The following TMEM132D variants were observed in gnomAD, a reference collection of about 807,000 sequenced individuals.
TMEM132D encodes transmembrane protein 132D.
In TMEM132D, 21 loss-of-function variants were observed where a neutral mutation model predicts 62.3. The ratio of observed to expected loss-of-function variants is 0.34; its 90% CI spans 0.24 to 0.49. TMEM132D has a LOEUF of 0.49. Ranked by LOEUF, TMEM132D falls within the 20% of genes least tolerant of loss-of-function variation. TMEM132D has a pLI of 0.99. For missense variants in TMEM132D, 1,346 were observed against 1,402.8 expected, an observed-to-expected ratio of 0.96 and a Z score of 0.65; for synonymous variants, 621 against 575.6, an observed-to-expected ratio of 1.08 and a Z score of -1.13.
intron 3 of TMEM132D, chr12:129,521,401 A>G (rs1875843673): frequency 6.6e-6 from 1 of 152,244 alleles, no homozygotes; most frequent in Admixed American, 6.5e-5. Flanking sequence ...TGGCTGGTGA[A>G]CGGATCATTT....
At chr12:129,118,893 C>T (rs1000769427) in intron 5 of TMEM132D, among the ~76,000 whole-genome samples, 1 of 152,180 alleles carries the variant, frequency 6.6e-6, no homozygotes, top group Admixed American at 6.5e-5. Flanking sequence ...TTCGGCTGCT[C>T]AGCTACTCAC....
chr12:129,148,241 A>G lies in TMEM132D; in HGVS notation c.1443+61279T>C, dbSNP rs571452424. 5.3e-5 allele frequency among the ~76,000 whole-genome samples: 8 copies of G among 152,336 alleles called. No individual in the cohort carries two copies. In the South Asian group the frequency reaches 1.7e-3, roughly 32 times the overall value. On this transcript the variant is annotated intron_variant, in intron 5 of 8. Coordinates refer to ENST00000422113, the MANE Select transcript of TMEM132D (RefSeq NM_133448.3). ...TTTGCTTTTGACTAAGATAAAATCT[A>G]TAGCCCCATGTGGGTGGCAGAATAA...
chr12:129,257,502 C>T (rs1050356411), intron 4 of TMEM132D, among the ~76,000 whole-genome samples: 2 of 152,234 alleles, frequency 1.3e-5, no homozygotes, highest in Admixed American at 6.5e-5. Flanking sequence ...AGCCACTGTG[C>T]CCGGCCCATC....
chr12:129,528,926 C>A (rs73155251), intron 3 of TMEM132D, among the ~76,000 whole-genome samples: 7,758 of 152,318 alleles, frequency 0.051, 270 homozygotes, highest in Non-Finnish European at 0.079. Context: ...ATTTGTCTAT[C>A]AACAAAACAC....
chr12:129,798,889 C>A (rs538961098), intron 1 of TMEM132D, among the ~76,000 whole-genome samples: 1 of 152,238 alleles, frequency 6.6e-6, no homozygotes, highest in African/African-American at 2.4e-5. Context: ...AATCTACCAA[C>A]TGTTTTTGCT....
intron 3 of TMEM132D, among the ~76,000 whole-genome samples, chr12:129,350,886 A>G (rs1170670448): frequency 6.6e-6 from 1 of 152,108 alleles, no homozygotes; most frequent in Non-Finnish European, 1.5e-5. Flanking sequence ...GCTAAACTCC[A>G]CCCCAACTTT....
At chr12:129,566,210 T>C (rs1877361926) in intron 2 of TMEM132D, among the ~76,000 whole-genome samples, 1 of 152,170 alleles carries the variant, frequency 6.6e-6, no homozygotes. Flanking sequence ...CAAAAAATAA[T>C]AAACAAATAA....
chr12:129,156,117 C>A (rs2135538425), intron 5 of TMEM132D, among the ~76,000 whole-genome samples: 1 of 152,114 alleles, frequency 6.6e-6, no homozygotes, highest in South Asian at 2.1e-4. Context: ...AACATACTCC[C>A]ACGATAACCA....
At chr12:129,813,632 T>TATATATATATATATATATATATATATATA in intron 1 of TMEM132D, among the ~76,000 whole-genome samples, 1 of 105,634 alleles carries the variant, frequency 9.5e-6, no homozygotes, top group Admixed American at 9.9e-5. Flanking sequence ...ATATATATAT[T>TATATATATATATATATATATATATATATA]TTCAGGACTA....
At chr12:129,863,273 C>A (rs1417838397) in intron 1 of TMEM132D, among the ~76,000 whole-genome samples, 2 of 151,852 alleles carry the variant, frequency 1.3e-5, no homozygotes, top group Non-Finnish European at 2.9e-5. Flanking sequence ...GCCACCCCCA[C>A]CCCCAGCCCC....
At chr12:129,871,419 T>C (rs986960382) in intron 1 of TMEM132D, among the ~76,000 whole-genome samples, 5 of 152,052 alleles carry the variant, frequency 3.3e-5, no homozygotes, top group African/African-American at 9.7e-5. Flanking sequence ...TCACACTGTG[T>C]GTGTCCAGCT....
chr12:129,826,264 G>A lies in TMEM132D; in HGVS notation c.79+76997C>T, dbSNP rs188734961. Among the ~76,000 whole-genome samples, 43 of 152,260 alleles carry A rather than the reference G, an allele frequency of 2.8e-4. 1 individual carries two copies. The East Asian group carries it at 8.1e-3, about 29-fold the overall frequency. ...AGTCCCTGAGTGACCCTCCTAAGAG[G>A]GGCCCATCCTGCTGACCAGAGCTGA... On this transcript the variant is annotated intron_variant, in intron 1 of 8. Transcript: ENST00000422113.
At chr12:129,616,512 C>T (rs1186068727) in intron 2 of TMEM132D, among the ~76,000 whole-genome samples, 1 of 152,152 alleles carries the variant, frequency 6.6e-6, no homozygotes, top group Non-Finnish European at 1.5e-5. Flanking sequence ...TTCTCATAAT[C>T]CCCATGTATC....
chr12:129,683,138 A>C (rs1880826204), intron 2 of TMEM132D: 1 of 152,004 alleles, frequency 6.6e-6, no homozygotes, highest in South Asian at 2.1e-4. Flanking sequence ...TCTTAAAGAA[A>C]AAAAAAAAAG....
intron 2 of TMEM132D, among the ~76,000 whole-genome samples, chr12:129,537,959 G>A (rs79306298): frequency 0.11 from 16,099 of 152,182 alleles, 2,856 homozygotes; most frequent in African/African-American, 0.37. Flanking sequence ...CAGAGTCCTG[G>A]CCTCATCGAC....
chr12:129,330,812 C>T (rs1169893723), intron 4 of TMEM132D, among the ~76,000 whole-genome samples: 1 of 152,126 alleles, frequency 6.6e-6, no homozygotes, highest in South Asian at 2.1e-4. Flanking sequence ...CTGTTGTAAG[C>T]AACAGAAAAT....
intron 2 of TMEM132D, among the ~76,000 whole-genome samples, chr12:129,632,792 C>T (rs530007394): frequency 1.3e-5 from 2 of 152,360 alleles, no homozygotes; most frequent in Non-Finnish European, 1.5e-5. Flanking sequence ...GCAGTATGGA[C>T]CCCAAGCTGC....
chr12:129,803,106 C>T (rs1871852639), intron 1 of TMEM132D, among the ~76,000 whole-genome samples: 2 of 151,406 alleles, frequency 1.3e-5, no homozygotes, highest in East Asian at 3.9e-4. Context: ...TTTAACACCC[C>T]ACTGTCAACA....
intron 3 of TMEM132D, among the ~76,000 whole-genome samples, chr12:129,455,484 C>T (rs530858642): frequency 6.6e-5 from 10 of 152,220 alleles, no homozygotes; most frequent in East Asian, 1.9e-4. Flanking sequence ...ACGTATATAA[C>T]GTGATTATAA....
Sources: gnomAD v4.1 joint callset for allele counts (sites outside exome capture counted in the v4.1 genomes callset) on GRCh38, gnomAD v4.1.1 for gene constraint, MANE v1.5 for transcripts, NCBI Gene and HGNC (gene_info 2026-07-23, HGNC 2026-07-21) for gene names.